SAMMSON: variants seen among roughly 807,000 people sequenced by gnomAD.
The protein encoded by SAMMSON is survival associated mitochondrial melanoma specific oncogenic non-coding RNA.
intron 6 of SAMMSON, among the ~76,000 whole-genome samples, chr3:70,259,090 T>C (rs944876780): frequency 6.6e-6 from 1 of 152,178 alleles, no homozygotes; most frequent in Non-Finnish European, 1.5e-5. Flanking sequence ...AATTATACGG[T>C]ACCTCCTGCT....
intron 4 of SAMMSON, among the ~76,000 whole-genome samples, chr3:70,230,046 C>T (rs1701543514): frequency 6.6e-6 from 1 of 152,040 alleles, no homozygotes; most frequent in South Asian, 2.1e-4. Flanking sequence ...GTCTTAGATG[C>T]TGTTGCTGCC....
In SAMMSON at chr3:70,027,371, C is replaced by T. The variant is rs185865458; in HGVS notation, n.417+13699C>T. Among the ~76,000 whole-genome samples, 920 of 152,232 alleles carry T rather than the reference C, an allele frequency of 6.0e-3. 7 individuals carry two copies. The highest frequency in any genetic ancestry group is 0.02 in the African/African-American group (821 of 41,548). ...CATCAGATGTTAATCTCCTTTCTCT[C>T]CTTTGGAGAATCTACTGAAAAATTT... On this transcript the variant is annotated intron_variant and non_coding_transcript_variant, in intron 3 of 9. Coordinates refer to ENST00000642114, the Ensembl canonical transcript of SAMMSON.
intron 4 of SAMMSON, among the ~76,000 whole-genome samples, chr3:70,101,407 AC>A (rs200448061): frequency 0.016 from 2,456 of 152,176 alleles, 55 homozygotes; most frequent in African/African-American, 0.053. Flanking sequence ...TGAAAAAAAA[AC>A]GTACAAGAAT....
chr3:70,096,413 G>A (rs772551928), intron 4 of SAMMSON, among the ~76,000 whole-genome samples: 12 of 152,222 alleles, frequency 7.9e-5, no homozygotes, highest in South Asian at 2.1e-4. Flanking sequence ...GTGCGGTGGC[G>A]CATACCTGTA....
At chr3:70,224,456 T>A (rs1222089722) in intron 4 of SAMMSON, among the ~76,000 whole-genome samples, 1 of 152,216 alleles carries the variant, frequency 6.6e-6, no homozygotes, top group African/African-American at 2.4e-5. Flanking sequence ...GGCCCTTTTT[T>A]AAAGAAAAGC....
intron 4 of SAMMSON, among the ~76,000 whole-genome samples, chr3:70,159,809 G>A (rs1182916048): frequency 6.6e-6 from 1 of 151,794 alleles, no homozygotes; most frequent in South Asian, 2.1e-4. Context: ...TTCCTGCCTC[G>A]GCCTCCCAAA....
At chr3:70,412,330 T>C (rs918157571) in intron 2 of SAMMSON, among the ~76,000 whole-genome samples, 3 of 152,210 alleles carry the variant, frequency 2.0e-5, no homozygotes, top group African/African-American at 7.2e-5. Flanking sequence ...CTTAATATTT[T>C]CTTAATGCAT....
At chr3:70,306,015 C>T (rs1702396502) in intron 7 of SAMMSON, among the ~76,000 whole-genome samples, 1 of 152,058 alleles carries the variant, frequency 6.6e-6, no homozygotes, top group South Asian at 2.1e-4. Context: ...ATTCAAGGTG[C>T]CAAAACACTG....
At chr3:70,313,495 G>A (rs1328244494) in intron 7 of SAMMSON, among the ~76,000 whole-genome samples, 4 of 150,312 alleles carry the variant, frequency 2.7e-5, no homozygotes, top group Admixed American at 6.6e-5. Context: ...AAAAAAAAAA[G>A]GAAAAGAAAA....
chr3:70,174,838 A>G (rs1700997648), intron 4 of SAMMSON, among the ~76,000 whole-genome samples: 1 of 151,946 alleles, frequency 6.6e-6, no homozygotes, highest in Non-Finnish European at 1.5e-5. Flanking sequence ...CATGAATCCT[A>G]GGTGGACAAT....
At chr3:70,368,938 A>C (rs930315080) in intron 9 of SAMMSON, among the ~76,000 whole-genome samples, 2 of 151,670 alleles carry the variant, frequency 1.3e-5, no homozygotes, top group African/African-American at 4.8e-5. Flanking sequence ...GAAACTGTAG[A>C]TTGATTCTTC....
chr3:70,372,457 G>A (rs951637749), intron 9 of SAMMSON, among the ~76,000 whole-genome samples: 53 of 151,858 alleles, frequency 3.5e-4, no homozygotes, highest in African/African-American at 1.2e-3. Flanking sequence ...GATTACAGGC[G>A]CCTGGCTCAT....
chr3:70,071,554 A>G (rs578013495), exon 4 of SAMMSON: 1 of 152,126 alleles, frequency 6.6e-6, no homozygotes, highest in South Asian at 2.1e-4. Context: ...AGAAACATCT[A>G]TTGCATTTTC....
chr3:70,076,971 T>G (rs1315153189), intron 4 of SAMMSON, among the ~76,000 whole-genome samples: 1 of 152,182 alleles, frequency 6.6e-6, no homozygotes, highest in East Asian at 1.9e-4. Flanking sequence ...CAGTGGTGGC[T>G]TGAGTCCTGA....
At chr3:70,206,744 A>G (rs944869875) in intron 4 of SAMMSON, 4 of 397,780 alleles carry the variant, frequency 1.0e-5, no homozygotes, top group Admixed American at 4.4e-5. Context: ...TAACAATAGC[A>G]TTAATGGGTT....
At chr3:70,248,447 G>C (rs1338037502) in intron 4 of SAMMSON, among the ~76,000 whole-genome samples, 1 of 152,040 alleles carries the variant, frequency 6.6e-6, no homozygotes, top group Non-Finnish European at 1.5e-5. Context: ...TGGAGTGTAG[G>C]GTTCAGGGTA....
chr3:70,223,913 T>G (rs1462162634), intron 4 of SAMMSON, among the ~76,000 whole-genome samples: 1 of 152,182 alleles, frequency 6.6e-6, no homozygotes, highest in African/African-American at 2.4e-5. Flanking sequence ...ATCTAACTTT[T>G]GTACTCTCCT....
At chr3:70,144,846 G>C (rs2067541544) in intron 4 of SAMMSON, among the ~76,000 whole-genome samples, 1 of 152,146 alleles carries the variant, frequency 6.6e-6, no homozygotes. Context: ...CCATGATTGT[G>C]AGGCCTCCCA....
chr3:70,102,744 A>C (rs1450011156), intron 4 of SAMMSON, among the ~76,000 whole-genome samples: 1 of 152,176 alleles, frequency 6.6e-6, no homozygotes, highest in Non-Finnish European at 1.5e-5. Context: ...TGGTCTCTAA[A>C]TGCGTGCAAA....
Sources: gnomAD v4.1 joint callset for allele counts (sites outside exome capture counted in the v4.1 genomes callset) on GRCh38, gnomAD v4.1.1 for gene constraint, MANE v1.5 for transcripts, NCBI Gene and HGNC (gene_info 2026-07-23, HGNC 2026-07-21) for gene names.